CDH19: variants seen among roughly 807,000 people sequenced by gnomAD.
The protein encoded by CDH19 is cadherin 19.
CDH19 carries 67 observed loss-of-function variants against 64.2 expected under a neutral mutation model. The ratio of observed to expected loss-of-function variants is 1.04; its 90% CI spans 0.86 to 1.28. The LOEUF (loss-of-function observed/expected upper bound fraction) is 1.28. Ranked by LOEUF, CDH19 falls within the 50% of genes most tolerant of loss-of-function variation. The pLI, the probability that CDH19 is intolerant of heterozygous loss-of-function variation, is 0.00. For missense variants in CDH19, 1,030 were observed against 929.0 expected (o/e 1.11, Z -1.41); for synonymous variants, 346 against 319.3 (o/e 1.08, Z -0.89).
Position 66,580,017 on chromosome 18 carries a change from C to T in CDH19, c.-112-7701G>A, listed in dbSNP as rs115079974. ...GTAAATTGATAATAATTGTTGAGTTCGGGTCACGAGTATTTGGATAGTTGT... is the reference window on the plus strand; with the variant it reads ...GTAAATTGATAATAATTGTTGAGTTTGGGTCACGAGTATTTGGATAGTTGT... On this transcript the variant is annotated intron_variant, in intron 1 of 11. Transcript: ENST00000262150. 8.2e-3 allele frequency among the ~76,000 whole-genome samples: 1,251 copies of T among 151,940 alleles called. 13 individuals are homozygous for T. The highest frequency in any genetic ancestry group is 0.028 in the African/African-American group (1,173 of 41,484).
chr18:66,532,800 G>C, intron 8 of CDH19: 1 of 431,292 alleles, frequency 2.3e-6, no homozygotes, highest in Admixed American at 2.6e-5. Flanking sequence ...GACATGAAAA[G>C]TTAAGTTGTC....
At chr18:66,507,027 C>A (rs1985236202) in intron 11 of CDH19, among the ~76,000 whole-genome samples, 1 of 151,782 alleles carries the variant, frequency 6.6e-6, no homozygotes, top group South Asian at 2.1e-4. Context: ...TAATAGTTGA[C>A]CCGTAACTCC....
chr18:66,540,532 G>T (rs556641850), intron 7 of CDH19, among the ~76,000 whole-genome samples: 1 of 152,238 alleles, frequency 6.6e-6, no homozygotes, highest in Non-Finnish European at 1.5e-5. Flanking sequence ...GGAAGTATGA[G>T]ATTATGATGC....
chr18:66,529,811 T>G, intron 9 of CDH19, 34 bp downstream of exon 9: 1 of 1,398,016 alleles, frequency 7.2e-7, no homozygotes, highest in Non-Finnish European at 9.6e-7. Flanking sequence ...AATGATATAT[T>G]GTTTAGACTT....
intron 5 of CDH19, among the ~76,000 whole-genome samples, chr18:66,550,251 A>C (rs1568192914): frequency 6.6e-6 from 1 of 152,310 alleles, no homozygotes; most frequent in Non-Finnish European, 1.5e-5. Flanking sequence ...TGCATAAGAA[A>C]ATTTTACGAA....
chr18:66,549,804 C>T (rs980240548), intron 5 of CDH19, among the ~76,000 whole-genome samples: 13 of 152,016 alleles, frequency 8.6e-5, no homozygotes, highest in Non-Finnish European at 1.8e-4. Context: ...CACACATTAA[C>T]AGATATTCTC....
intron 1 of CDH19, among the ~76,000 whole-genome samples, chr18:66,600,050 A>G (rs1439536099): frequency 6.6e-6 from 1 of 151,978 alleles, no homozygotes; most frequent in Non-Finnish European, 1.5e-5. Context: ...GGATATCTTA[A>G]GTATGTAAAT....
intron 3 of CDH19, among the ~76,000 whole-genome samples, chr18:66,563,775 C>T (rs949371449): frequency 6.6e-6 from 1 of 151,966 alleles, no homozygotes; most frequent in Non-Finnish European, 1.5e-5. Context: ...TATTTTCTCA[C>T]TTGTCATCTT....
chr18:66,592,231 TTTA>T (rs1278785248), intron 1 of CDH19, among the ~76,000 whole-genome samples: 1 of 151,766 alleles, frequency 6.6e-6, no homozygotes, highest in Non-Finnish European at 1.5e-5. Flanking sequence ...TTTTAAAATC[TTTA>T]TTTTGTACAT....
At chr18:66,525,869 C>T (rs1425957861) in intron 9 of CDH19, among the ~76,000 whole-genome samples, 2 of 151,974 alleles carry the variant, frequency 1.3e-5, no homozygotes, top group African/African-American at 4.8e-5. Context: ...GACATCTGCA[C>T]GTCCCAAAAT....
intron 7 of CDH19, among the ~76,000 whole-genome samples, chr18:66,541,526 T>C (rs766973811): frequency 1.2e-4 from 18 of 152,116 alleles, no homozygotes; most frequent in African/African-American, 1.2e-4. Context: ...TGAAATGTGC[T>C]GAAGTGGGTA....
intron 9 of CDH19, among the ~76,000 whole-genome samples, chr18:66,524,569 T>TATATATATATATATATAA (rs1276593665): frequency 0.019 from 2,541 of 134,688 alleles, 79 homozygotes; most frequent in South Asian, 0.039. Context: ...TATATATATA[T>TATATATATATATATATAA]AAACATCATC....
chr18:66,580,682 T>A (rs1988396509), intron 1 of CDH19, among the ~76,000 whole-genome samples: 1 of 152,104 alleles, frequency 6.6e-6, no homozygotes, highest in Non-Finnish European at 1.5e-5. Context: ...AATATATGAT[T>A]GAAATATTTC....
chr18:66,551,838 A>C (rs912203236), intron 4 of CDH19, among the ~76,000 whole-genome samples: 1 of 152,150 alleles, frequency 6.6e-6, no homozygotes, highest in East Asian at 1.9e-4. Context: ...AAAATTATTT[A>C]ATATACATTT....
In CDH19 at chr18:66,568,496, T is replaced by C. The variant is rs761261662; in HGVS notation, c.410A>G (p.Lys137Arg). ...TTCATTGTCATTGATATCCGAAACT[T>C]TGATGACAAACTCAGACTCAGGTTC... is the stretch of plus-strand genomic sequence containing the variant. ...AVEPESEFVI[K>R]VSDINDNEPK... is the part of the protein sequence containing the mutation. Residue 137 changes from lysine to arginine, a missense_variant, in exon 3 of 12, where the codon AAA becomes AGA. Coordinates refer to ENST00000262150, the MANE Select transcript of CDH19 (RefSeq NM_021153.4). 1 of 1,612,332 alleles carries C rather than the reference T, an allele frequency of 6.2e-7. No homozygotes were observed. Among genetic ancestry groups the C allele is most frequent in the South Asian group, 1.1e-5 (1 of 91,056 alleles).
intron 11 of CDH19, among the ~76,000 whole-genome samples, chr18:66,507,285 T>TG (rs34508697): frequency 0.32 from 48,475 of 151,714 alleles, 9,361 homozygotes; most frequent in African/African-American, 0.54. Flanking sequence ...TAATGGTAGG[T>TG]GTAAATGAGG....
At chr18:66,565,826 C>T (rs978533599) in intron 3 of CDH19, among the ~76,000 whole-genome samples, 1 of 151,864 alleles carries the variant, frequency 6.6e-6, no homozygotes. Flanking sequence ...CTGGCCTCTC[C>T]CTCTCATGGA....
At chr18:66,597,512 T>G (rs554777917) in intron 1 of CDH19, among the ~76,000 whole-genome samples, 2 of 152,084 alleles carry the variant, frequency 1.3e-5, no homozygotes, top group South Asian at 4.1e-4. Flanking sequence ...GGAGAAAACC[T>G]AGGAAATACT....
intron 9 of CDH19, among the ~76,000 whole-genome samples, chr18:66,517,453 G>A (rs575637568): frequency 6.6e-6 from 1 of 152,112 alleles, no homozygotes; most frequent in South Asian, 2.1e-4. Flanking sequence ...AAATTACCCT[G>A]ATGTCAGCTC....
Sources: gnomAD v4.1 joint callset for allele counts (sites outside exome capture counted in the v4.1 genomes callset) on GRCh38, gnomAD v4.1.1 for gene constraint, MANE v1.5 for transcripts, NCBI Gene and HGNC (gene_info 2026-07-23, HGNC 2026-07-21) for gene names.